Variants in MEF2D observed in about 807,000 individuals in gnomAD.
The protein encoded by MEF2D is myocyte enhancer factor 2D.
A neutral mutation model predicts 59.3 loss-of-function variants in MEF2D; 10 were observed. That is an observed-to-expected ratio of 0.17 (90% confidence interval 0.10 to 0.29). The LOEUF (loss-of-function observed/expected upper bound fraction) is 0.29, where lower values mean the gene tolerates loss of function less well. Among genes scored for constraint, MEF2D ranks in the 10% least tolerant of loss-of-function variants. The pLI is 1.00. For synonymous variants in MEF2D, 305 were observed against 295.0 expected (o/e 1.03, Z -0.35); for missense variants, 508 against 699.4 (o/e 0.73, Z 3.09).
intron 7 of MEF2D, 111 bp downstream of exon 7, chr1:156,476,901 G>T (rs1671646142): frequency 1.6e-6 from 2 of 1,263,892 alleles, no homozygotes; most frequent in Admixed American, 2.1e-5. Flanking sequence ...TTTATCTTGG[G>T]AAGTCCTAAC....
chr1:156,492,715 C>T (rs114924298), intron 1 of MEF2D, among the ~76,000 whole-genome samples: 1,838 of 152,242 alleles, frequency 0.012, 31 homozygotes, highest in African/African-American at 0.043. Context: ...GAGGTGGGGG[C>T]GGTTGGGACG....
Position 156,465,787 on chromosome 1 carries a change from C to G in MEF2D, c.*1858G>C, listed in dbSNP as rs955294494. ...CGTGTGTACCTGCGTAGAGGCCCCTCTGCTTCTGGTTCCTTCCCTGCATCA... is the reference window on the plus strand; with the variant it reads ...CGTGTGTACCTGCGTAGAGGCCCCTGTGCTTCTGGTTCCTTCCCTGCATCA... On this transcript the variant is annotated 3_prime_UTR_variant, in exon 12 of 12. Coordinates refer to ENST00000348159, the MANE Select transcript of MEF2D (RefSeq NM_005920.4). 1 of 152,246 alleles carries G rather than the reference C, an allele frequency of 6.6e-6. No individual in the cohort carries two copies. Among genetic ancestry groups the G allele is most frequent in the South Asian group, 2.1e-4 (1 of 4,826 alleles). 9.4% of individuals were successfully genotyped at this position (152,246 alleles called of 1,614,324 possible). A position where few individuals can be genotyped will look rare whatever the true frequency, so the allele number is the denominator to read the frequency against.
chr1:156,475,314 G>T, intron 8 of MEF2D, 77 bp from the exon 9 acceptor site: 2 of 1,477,150 alleles, frequency 1.4e-6, no homozygotes, highest in Non-Finnish European at 9.0e-7. Context: ...CCAAGGCCAA[G>T]GTGGGGTTCC....
rs1363062179 is a variant in MEF2D at position 156,465,653 on chromosome 1, T to C, written c.*1992A>G. On this transcript the variant is annotated 3_prime_UTR_variant, in exon 12 of 12. Coordinates refer to ENST00000348159, the MANE Select transcript of MEF2D (RefSeq NM_005920.4). The stretch of plus-strand genomic sequence containing the variant: ...CCGTGCAACCACACACACACATAAA[T>C]ACAAAAGTACACCCGTGCAATCAGA... 2 of 151,792 alleles carry C rather than the reference T, an allele frequency of 1.3e-5. No individual in the cohort carries two copies. Among genetic ancestry groups the C allele is most frequent in the East Asian group, 3.9e-4 (2 of 5,168 alleles). The allele number at this position is 151,792 out of a possible 1,614,324, so 9.4% of individuals were successfully genotyped here.
intron 1 of MEF2D, among the ~76,000 whole-genome samples, chr1:156,486,134 G>A (rs764616690): frequency 3.3e-5 from 5 of 152,030 alleles, no homozygotes; most frequent in Admixed American, 1.3e-4. Context: ...GCCTCCTACT[G>A]GTACCCTGGG....
chr1:156,479,425 G>A lies in MEF2D; in HGVS notation c.608-79C>T, dbSNP rs894278374. On this transcript the variant is annotated intron_variant, in intron 5 of 11. Transcript: ENST00000348159. ...AGTCTTGGGGACTGAACATGAAGAGGGGACCCCAGGAGGAAGAGTCATACT... is the reference window on the plus strand; with the variant it reads ...AGTCTTGGGGACTGAACATGAAGAGAGGACCCCAGGAGGAAGAGTCATACT... 5 of 1,531,606 alleles carry A rather than the reference G, an allele frequency of 3.3e-6. No individual in the cohort carries two copies. In the African/African-American group the frequency reaches 4.2e-5, roughly 13 times the overall value. 94.9% of individuals were successfully genotyped at this position (1,531,606 alleles called of 1,614,324 possible).
At chr1:156,484,419 G>C (rs185308461) in intron 1 of MEF2D, among the ~76,000 whole-genome samples, 1 of 152,328 alleles carries the variant, frequency 6.6e-6, no homozygotes, top group Non-Finnish European at 1.5e-5. Context: ...AAGCATGGCT[G>C]TGATCCAATA....
At chr1:156,478,249 T>C (rs542652606) in intron 6 of MEF2D, among the ~76,000 whole-genome samples, 1 of 152,240 alleles carries the variant, frequency 6.6e-6, no homozygotes, top group East Asian at 1.9e-4. Flanking sequence ...AGGGAGGTAT[T>C]ATACAGTGCC....
intron 1 of MEF2D, among the ~76,000 whole-genome samples, chr1:156,496,829 A>G (rs1673157775): frequency 1.3e-5 from 2 of 152,124 alleles, no homozygotes; most frequent in South Asian, 4.1e-4. Context: ...TCTAGCTCCC[A>G]CTACTGGGGG....
chr1:156,468,074 C>T lies in MEF2D; in HGVS notation c.1473G>A (p.Gly491=). 1 of 1,614,066 alleles carries T rather than the reference C, an allele frequency of 6.2e-7. No individual in the cohort carries two copies. Among genetic ancestry groups the T allele is most frequent in the Non-Finnish European group, 8.5e-7 (1 of 1,179,996 alleles). The part of the protein sequence containing the change: ...GDRDDGRGDF[G]PTLGLLRPAP... ...CTGGGCGCAGCAGGCCCAGTGTGGGCCCGAAGTCCCCCCGTCCGTCATCCC... is the reference window on the plus strand; with the variant it reads ...CTGGGCGCAGCAGGCCCAGTGTGGGTCCGAAGTCCCCCCGTCCGTCATCCC... The change falls in exon 11 of 12, where the codon GGG becomes GGA. Residue 491 remains glycine, a synonymous_variant. Coordinates refer to ENST00000348159, the MANE Select transcript of MEF2D (RefSeq NM_005920.4). The surrounding 1 kb of genome is among the most constrained non-coding windows in gnomAD (Gnocchi z 4.3).
At chr1:156,491,639 C>G (rs1378244725) in intron 1 of MEF2D, among the ~76,000 whole-genome samples, 2 of 152,224 alleles carry the variant, frequency 1.3e-5, no homozygotes, top group Non-Finnish European at 2.9e-5. Flanking sequence ...GAATGCCTAT[C>G]AGACCCACCT....
At chr1:156,476,965 A>G (rs1471266883) in intron 7 of MEF2D, 47 bp downstream of exon 7, 1 of 1,604,268 alleles carries the variant, frequency 6.2e-7, no homozygotes, top group Non-Finnish European at 8.5e-7. Context: ...CCCTGTCCCT[A>G]CTCTTCCATT....
Position 156,479,666 on chromosome 1 carries a change from G to A in MEF2D, c.527C>T (p.Pro176Leu), listed in dbSNP as rs1252096063. 4 of 1,551,716 alleles carry A rather than the reference G, an allele frequency of 2.6e-6. No homozygotes were observed. Among genetic ancestry groups the A allele is most frequent in the Admixed American group, 3.9e-5 (2 of 51,028 alleles). Residue 176 changes from proline (P) to leucine (L), a missense_variant, in exon 5 of 12, where the codon CCG becomes CTG. Around this residue, in one of 2 missense-constraint regions of MEF2D, gnomAD observed 481 missense variants for 584.7 expected, o/e 0.82. Coordinates refer to ENST00000348159, the MANE Select transcript of MEF2D (RefSeq NM_005920.4). ...TGGCTGCTGGGGGGACAGGAGCCGC[G>A]GGTCCGTGAGGGATGATGTCACCAG... ...PSLVTSSLTD[P>L]RLLSPQQPAL... is the part of the protein sequence containing the mutation.
Position 156,467,978 on chromosome 1 carries a change from G to A in MEF2D, c.1554+15C>T. ...TAGCAGACACTGGCAGACAGGAGAG[G>A]TGATGCTACAGTACCCAGGTATCAA... On this transcript the variant is annotated intron_variant, in intron 11 of 11. Transcript: ENST00000348159. The A allele has an allele frequency of 6.2e-7, 1 of 1,602,470 alleles. No homozygotes were observed. The highest frequency in any genetic ancestry group is 8.5e-7 in the Non-Finnish European group (1 of 1,174,980).
chr1:156,486,305 G>A (rs1053578193), intron 1 of MEF2D, among the ~76,000 whole-genome samples: 1 of 151,612 alleles, frequency 6.6e-6, no homozygotes, highest in Non-Finnish European at 1.5e-5. Context: ...GCTTCCCAGT[G>A]CAATCCAAAG....
intron 1 of MEF2D, among the ~76,000 whole-genome samples, chr1:156,492,177 G>C (rs967085054): frequency 2.0e-5 from 3 of 152,258 alleles, no homozygotes; most frequent in Non-Finnish European, 2.9e-5. Flanking sequence ...TGCTAAGGTT[G>C]GGGCGGCAGC....
Position 156,479,016 on chromosome 1 carries a change from A to G in MEF2D, c.664+274T>C, listed in dbSNP as rs115491544. 3.4e-3 allele frequency among the ~76,000 whole-genome samples: 511 copies of G among 152,284 alleles called. 1 individual carries two copies. Among genetic ancestry groups the G allele is most frequent in the African/African-American group, 0.012 (496 of 41,546 alleles). ...AGATCCCAACCACACTCAACTGCAA[A>G]AACTTGGGTCTTCCCTTCCAACTAG... is the stretch of plus-strand genomic sequence containing the variant. On this transcript the variant is annotated intron_variant, in intron 6 of 11. Transcript: ENST00000348159.
At chr1:156,481,007 T>C (rs1192283204) in intron 3 of MEF2D, 36 bp from the exon 4 acceptor site, 1 of 1,610,048 alleles carries the variant, frequency 6.2e-7, no homozygotes, top group Admixed American at 1.7e-5. Context: ...TGGGTGAGAG[T>C]CCTTCCCGCC....
chr1:156,467,065 G>A lies in MEF2D; in HGVS notation c.*580C>T, dbSNP rs953815857. 6.5e-6 allele frequency: 1 copy of A among 152,686 alleles called. No homozygotes were observed. The highest frequency in any genetic ancestry group is 2.4e-5 in the African/African-American group (1 of 41,450). The allele number at this position is 152,686 out of a possible 1,614,324, so 9.5% of individuals were successfully genotyped here. The stretch of plus-strand genomic sequence containing the variant: ...TGTGTGCAGGGGCATTTGGGGGCCA[G>A]GCTTAAGTATTCTGCTCCATGTGCC... On this transcript the variant is annotated 3_prime_UTR_variant, in exon 12 of 12. Coordinates refer to ENST00000348159, the MANE Select transcript of MEF2D (RefSeq NM_005920.4).
Sources: allele counts gnomAD v4.1 joint callset (sites outside exome capture counted in the v4.1 genomes callset), GRCh38; gene constraint gnomAD v4.1.1; regional missense constraint gnomAD v4.1.1; non-coding constraint Gnocchi (gnomAD v3.1); transcripts MANE v1.5; gene names NCBI Gene and HGNC (gene_info 2026-07-23, HGNC 2026-07-21).